TRIM15: variants seen among roughly 807,000 people sequenced by gnomAD.
TRIM15 encodes E3 ubiquitin-protein ligase TRIM15.
Under a neutral mutation model 35.8 loss-of-function variants are expected in TRIM15, and 35 were observed. The ratio of observed to expected loss-of-function variants is 0.98; its 90% CI spans 0.75 to 1.30. The LOEUF (loss-of-function observed/expected upper bound fraction) is 1.30, where lower values mean the gene tolerates loss of function less well. Among genes scored for constraint, TRIM15 ranks in the 50% most tolerant of loss-of-function variants. The pLI is 0.00. For synonymous variants in TRIM15, 252 were observed against 249.8 expected, an observed-to-expected ratio of 1.01 and a Z score of -0.08; for missense variants, 590 against 593.5, an observed-to-expected ratio of 0.99 and a Z score of 0.06.
At position 30,172,029 on chromosome 6, in the gene TRIM15, G is replaced by C; in HGVS notation, c.1078G>C (p.Gly360Arg). The change falls in exon 7 of 7, where the codon GGC becomes CGC. Residue 360 changes from glycine (G) to arginine (R), a missense_variant. Coordinates refer to ENST00000376694, the MANE Select transcript of TRIM15 (RefSeq NM_033229.3). ...RWQVDLQLGD[G>R]GGCTVGVAGE... The stretch of plus-strand genomic sequence containing the variant: ...GCAGGTTGACCTGCAGCTGGGCGAC[G>C]GCGGCGGCTGCACGGTGGGGGTGGC... 1 of 1,571,896 alleles carries C rather than the reference G, an allele frequency of 6.4e-7. No homozygotes were observed. Among genetic ancestry groups the C allele is most frequent in the African/African-American group, 1.3e-5 (1 of 74,240 alleles).
At chr6:30,167,646 T>G (rs1318294478) in intron 2 of TRIM15, among the ~76,000 whole-genome samples, 2 of 152,186 alleles carry the variant, frequency 1.3e-5, no homozygotes, top group African/African-American at 4.8e-5. Flanking sequence ...GATGGGAAGC[T>G]TGGGGTCAAA....
chr6:30,168,035 T>C (rs990384605), intron 2 of TRIM15, among the ~76,000 whole-genome samples: 1 of 152,204 alleles, frequency 6.6e-6, no homozygotes, highest in African/African-American at 2.4e-5. Context: ...ATTGTAGTTG[T>C]GGAAATATTT....
chr6:30,171,819 C>A lies in TRIM15; in HGVS notation c.881-13C>A. The A allele has an allele frequency of 6.7e-7, 1 of 1,502,496 alleles. No individual in the cohort carries two copies. The highest frequency in any genetic ancestry group is 8.9e-7 in the Non-Finnish European group (1 of 1,126,332). The allele number at this position is 1,502,496 out of a possible 1,614,324, so 93.1% of individuals were successfully genotyped here. A position where few individuals can be genotyped will look rare whatever the true frequency, so the allele number is the denominator to read the frequency against. On this transcript the variant is annotated splice_polypyrimidine_tract_variant and intron_variant, in intron 6 of 6. Coordinates refer to ENST00000376694, the MANE Select transcript of TRIM15 (RefSeq NM_033229.3). Reference sequence around the variant, plus strand: ...GCCGCCCGCTGTTGATGTCTGCGCGCTCCTCCCTCTAGGGGTCATCACTCT... The same window carrying A: ...GCCGCCCGCTGTTGATGTCTGCGCGATCCTCCCTCTAGGGGTCATCACTCT...
intron 2 of TRIM15, among the ~76,000 whole-genome samples, chr6:30,167,616 GC>G (rs1180719749): frequency 6.6e-6 from 1 of 152,200 alleles, no homozygotes; most frequent in Non-Finnish European, 1.5e-5. Flanking sequence ...TAGTCTGTTT[GC>G]CTGAACACAC....
chr6:30,165,704 T>C (rs142564749), intron 1 of TRIM15, among the ~76,000 whole-genome samples: 3,926 of 152,338 alleles, frequency 0.026, 97 homozygotes, highest in African/African-American at 0.07. Context: ...GTTGAACTAA[T>C]TTACACTCCC....
chr6:30,171,137 C>G (rs1773988806), intron 6 of TRIM15, 129 bp downstream of exon 6: 2 of 1,025,242 alleles, frequency 2.0e-6, no homozygotes, highest in Non-Finnish European at 2.9e-6. Flanking sequence ...TTCTTGCTAG[C>G]TCTGAGACAC....
chr6:30,165,772 C>T (rs1187453817), intron 1 of TRIM15, among the ~76,000 whole-genome samples: 2 of 152,172 alleles, frequency 1.3e-5, no homozygotes, highest in African/African-American at 4.8e-5. Context: ...CTGTTATTTC[C>T]TGACTTTTTA....
At chr6:30,171,466 T>C (rs897119420) in intron 6 of TRIM15, among the ~76,000 whole-genome samples, 4 of 152,238 alleles carry the variant, frequency 2.6e-5, no homozygotes, top group African/African-American at 9.6e-5. Context: ...AGAAGTTGTT[T>C]CCATAAGCAT....
At position 30,163,877 on chromosome 6, in the gene TRIM15, C is replaced by G. The variant is rs1315791375; in HGVS notation, c.193C>G (p.Gln65Glu). 1 of 1,613,052 alleles carries G rather than the reference C, an allele frequency of 6.2e-7. No homozygotes were observed. Among genetic ancestry groups the G allele is most frequent in the Non-Finnish European group, 8.5e-7 (1 of 1,180,028 alleles). Residue 65 changes from glutamine (Q) to glutamate (E), a missense_variant, in exon 1 of 7, where the codon CAG becomes GAG. By Grantham distance (29) the Gln-to-Glu change is conservative (BLOSUM62 2). Transcript: ENST00000376694. ...CTGCCCGCTCTGCCAAGAGGAGGAG[C>G]AGGCAGAGACTCCCATGGCCCCTGT... ...LLCPLCQEEE[Q>E]AETPMAPVPL...
chr6:30,166,746 T>A (rs1362007343), intron 1 of TRIM15, among the ~76,000 whole-genome samples: 1 of 152,192 alleles, frequency 6.6e-6, no homozygotes, highest in Non-Finnish European at 1.5e-5. Flanking sequence ...GCATGGAATG[T>A]TTTTCCATTT....
chr6:30,170,403 C>A lies in TRIM15; in HGVS notation c.732-98C>A. On this transcript the variant is annotated intron_variant, in intron 4 of 6. Transcript: ENST00000376694. ...TCAATTTCATTATTCACCACAGACG[C>A]CAAGATCATTCTTTAGTCTGATTTT... 1.3e-5 allele frequency: 9 copies of A among 713,496 alleles called. 1 individual carries two copies. The South Asian group carries it at 1.4e-4, about 11-fold the overall frequency. The allele number at this position is 713,496 out of a possible 1,614,324, so 44.2% of individuals were successfully genotyped here. A position where few individuals can be genotyped will look rare whatever the true frequency, so the allele number is the denominator to read the frequency against.
intron 6 of TRIM15, among the ~76,000 whole-genome samples, chr6:30,171,530 C>T (rs555025569): frequency 6.6e-6 from 1 of 152,320 alleles, no homozygotes; most frequent in South Asian, 2.1e-4. Context: ...TATGCAGAAA[C>T]GTCTCCTAGG....
chr6:30,170,464 G>A (rs17194502), intron 4 of TRIM15, 37 bp from the exon 5 acceptor site: 1 of 1,474,198 alleles, frequency 6.8e-7, no homozygotes, highest in Non-Finnish European at 9.5e-7. Flanking sequence ...TTTGTTTTTG[G>A]AATTTGGACC....
intron 1 of TRIM15, 44 bp downstream of exon 1, chr6:30,164,109 A>G: frequency 9.5e-6 from 15 of 1,572,996 alleles, no homozygotes; most frequent in Non-Finnish European, 1.2e-5. Flanking sequence ...GGGCAGGATG[A>G]TGTCCTGTTA....
chr6:30,166,345 A>G (rs951787178), intron 1 of TRIM15, among the ~76,000 whole-genome samples: 5 of 152,178 alleles, frequency 3.3e-5, no homozygotes, highest in Non-Finnish European at 7.3e-5. Flanking sequence ...TCCCAACACC[A>G]TTTATTAAAT....
chr6:30,163,580 CAGCCGTT>C lies in TRIM15; in HGVS notation c.-104_-98del. 4.1e-5 allele frequency: 58 copies of C among 1,419,958 alleles called. No homozygotes were observed. The highest frequency in any genetic ancestry group is 6.9e-5 in the South Asian group (5 of 72,276). The allele number at this position is 1,419,958 out of a possible 1,614,324, so 88.0% of individuals were successfully genotyped here. ...TCTCTCTCTCTGTCTCTTAGCCTTG[CAGCCGTT>C]TCCCTCTGCGATTCATGTAAGTGTG... On this transcript the variant is annotated 5_prime_UTR_variant, in exon 1 of 7. Coordinates refer to ENST00000376694, the MANE Select transcript of TRIM15 (RefSeq NM_033229.3).
In TRIM15 at chr6:30,172,577, C is replaced by T. The variant is rs1774120345; in HGVS notation, c.*228C>T. Reference sequence around the variant, plus strand: ...CTGGCCTTCTCTGTACCTCAGAGTGCAGAACCACAGACGGCTTCGGCTGTG... The same window carrying T: ...CTGGCCTTCTCTGTACCTCAGAGTGTAGAACCACAGACGGCTTCGGCTGTG... On this transcript the variant is annotated 3_prime_UTR_variant, in exon 7 of 7. Coordinates refer to ENST00000376694, the MANE Select transcript of TRIM15 (RefSeq NM_033229.3). The T allele has an allele frequency of 1.4e-6, 1 of 740,234 alleles. No individual in the cohort carries two copies. Among genetic ancestry groups the T allele is most frequent in the Non-Finnish European group, 2.4e-6 (1 of 422,186 alleles). 45.9% of individuals were successfully genotyped at this position (740,234 alleles called of 1,614,324 possible). A position where few individuals can be genotyped will look rare whatever the true frequency, so the allele number is the denominator to read the frequency against.
At chr6:30,165,751 A>G (rs1194656221) in intron 1 of TRIM15, among the ~76,000 whole-genome samples, 2 of 152,136 alleles carry the variant, frequency 1.3e-5, no homozygotes, top group African/African-American at 4.8e-5. Flanking sequence ...TCTCCACATC[A>G]TCTCCAGCAT....
chr6:30,164,049 C>T lies in TRIM15; in HGVS notation c.365C>T (p.Ala122Val). The change falls in exon 1 of 7, where the codon GCC (alanine) becomes GTC (valine). Residue 122 changes from alanine to valine, a missense_variant. Coordinates refer to ENST00000376694, the MANE Select transcript of TRIM15 (RefSeq NM_033229.3). The stretch of plus-strand genomic sequence containing the variant: ...CACACCGTGGGGTTCCTGGACGAGG[C>T]CATTCAGCCCTACCGGGTAAGAAGT... ...QAHTVGFLDE[A>V]IQPYRDRLRS... 2 of 1,611,900 alleles carry T rather than the reference C, an allele frequency of 1.2e-6. No homozygotes were observed. Among genetic ancestry groups the T allele is most frequent in the African/African-American group, 1.3e-5 (1 of 75,046 alleles).
Sources: allele counts gnomAD v4.1 joint callset (sites outside exome capture counted in the v4.1 genomes callset), GRCh38; gene constraint gnomAD v4.1.1; transcripts MANE v1.5; gene names NCBI Gene and HGNC (gene_info 2026-07-23, HGNC 2026-07-21).